LRRC69: variants seen among roughly 807,000 people sequenced by gnomAD.
LRRC69 encodes the protein leucine rich repeat containing 69, also known as leucine-rich repeat-containing protein 69.
Under a neutral mutation model 37.8 loss-of-function variants are expected in LRRC69, and 42 were observed. That is an observed-to-expected ratio of 1.11 (90% CI 0.87 to 1.44). The LOEUF is 1.44. Among genes scored for constraint, LRRC69 ranks in the 40% most tolerant of loss-of-function variants. The pLI is 0.00. For missense variants in LRRC69, 357 were observed against 401.9 expected (o/e 0.89, Z 0.96); for synonymous variants, 141 against 143.1 (o/e 0.99, Z 0.11).
intron 4 of LRRC69, among the ~76,000 whole-genome samples, chr8:91,134,386 C>G (rs540798613): frequency 1.3e-4 from 19 of 151,636 alleles, no homozygotes; most frequent in Non-Finnish European, 2.4e-4. Flanking sequence ...GGGAGGGGTA[C>G]TGGTGTAAAT....
At chr8:91,109,321 C>T (rs1364075767) in intron 1 of LRRC69, among the ~76,000 whole-genome samples, 1 of 152,074 alleles carries the variant, frequency 6.6e-6, no homozygotes, top group Non-Finnish European at 1.5e-5. Flanking sequence ...CTGATATACT[C>T]TATCTGTAGA....
At chr8:91,176,399 C>A (rs1809230798) in intron 5 of LRRC69, among the ~76,000 whole-genome samples, 1 of 152,112 alleles carries the variant, frequency 6.6e-6, no homozygotes, top group Admixed American at 6.5e-5. Context: ...CCTGCCTAGG[C>A]CTCCCAAAGT....
chr8:91,168,139 G>A (rs1489896493), intron 5 of LRRC69, among the ~76,000 whole-genome samples: 1 of 151,806 alleles, frequency 6.6e-6, no homozygotes, highest in Non-Finnish European at 1.5e-5. Flanking sequence ...TGAAGAAAAC[G>A]CTTAGGGCAT....
chr8:91,151,298 G>T (rs199703875), intron 5 of LRRC69, among the ~76,000 whole-genome samples: 68 of 151,084 alleles, frequency 4.5e-4, no homozygotes, highest in African/African-American at 1.6e-3. Context: ...TTTGTTCTCG[G>T]TGGTTTCAAA....
At chr8:91,124,778 A>G (rs533477510) in intron 2 of LRRC69, 159 bp downstream of exon 2, 128 of 587,592 alleles carry the variant, frequency 2.2e-4, no homozygotes, top group Non-Finnish European at 3.4e-4. Context: ...CAACACTTTT[A>G]AAAAAGTATT....
intron 2 of LRRC69, chr8:91,124,851 T>C (rs1813692150): frequency 2.7e-6 from 1 of 366,228 alleles, no homozygotes; most frequent in African/African-American, 2.2e-5. Flanking sequence ...TTAATGAATT[T>C]TCCTCTTTGT....
chr8:91,218,864 T>A, intron 7 of LRRC69, 26 bp from the exon 8 acceptor site: 2 of 1,435,924 alleles, frequency 1.4e-6, no homozygotes, highest in Middle Eastern at 1.9e-4. Context: ...ACTGCCTAAA[T>A]TTTATTTTTA....
chr8:91,113,726 A>G (rs747253816), intron 1 of LRRC69, among the ~76,000 whole-genome samples: 2 of 151,866 alleles, frequency 1.3e-5, no homozygotes, highest in Non-Finnish European at 2.9e-5. Flanking sequence ...ATTTAAAACT[A>G]AAAACCTGCA....
rs1021007016 is a variant in LRRC69 at position 91,197,459 on chromosome 8, G to C, written c.754-3154G>C. On this transcript the variant is annotated intron_variant, in intron 6 of 7. Transcript: ENST00000448384. The stretch of plus-strand genomic sequence containing the variant: ...CCCCCAGCCTCGCTGCCGCCTCGCA[G>C]TTTGATCTCAGACTGCTGTGCTAGC... Among the ~76,000 whole-genome samples, 16 of 152,184 alleles carry C rather than the reference G, an allele frequency of 1.1e-4. 2 individuals carry two copies. The highest frequency in any genetic ancestry group is 5.8e-4 in the East Asian group (3 of 5,170).
intron 7 of LRRC69, among the ~76,000 whole-genome samples, chr8:91,210,562 G>GACAAACACACAC (rs1809892662): frequency 6.8e-6 from 1 of 146,102 alleles, no homozygotes; most frequent in Non-Finnish European, 1.5e-5. Context: ...CACACACACA[G>GACAAACACACAC]ACACACACAC....
intron 5 of LRRC69, chr8:91,157,316 C>T: frequency 6.2e-7 from 1 of 1,608,450 alleles, no homozygotes. Context: ...GTGGCACCCA[C>T]AGAAACATTC....
chr8:91,187,476 G>A (rs1010840669), intron 5 of LRRC69, among the ~76,000 whole-genome samples: 6 of 152,136 alleles, frequency 3.9e-5, no homozygotes, highest in Admixed American at 6.6e-5. Context: ...TACTTATGTT[G>A]CAGACTCTTT....
chr8:91,190,037 G>A (rs1031177595), intron 6 of LRRC69, among the ~76,000 whole-genome samples: 3 of 152,096 alleles, frequency 2.0e-5, no homozygotes, highest in Admixed American at 1.3e-4. Context: ...CAAGTTAATG[G>A]TATTAAAAGA....
intron 5 of LRRC69, among the ~76,000 whole-genome samples, chr8:91,154,976 G>A (rs71528781): frequency 0.053 from 7,958 of 151,332 alleles, 301 homozygotes; most frequent in Middle Eastern, 0.16. Flanking sequence ...AGAAAACCCC[G>A]TCGTCTCAAC....
intron 1 of LRRC69, chr8:91,118,532 G>GA (rs201180971): frequency 5.6e-5 from 13 of 232,666 alleles, no homozygotes; most frequent in Non-Finnish European, 6.8e-5. Flanking sequence ...GTCTCAAAAG[G>GA]AAAAAAAAAT....
At chr8:91,145,573 G>A (rs1379586110) in intron 5 of LRRC69, among the ~76,000 whole-genome samples, 1 of 151,894 alleles carries the variant, frequency 6.6e-6, no homozygotes, top group East Asian at 1.9e-4. Context: ...GCTGCTTTCA[G>A]TGGCTCAGTT....
At chr8:91,211,028 G>A (rs1210167275) in intron 7 of LRRC69, among the ~76,000 whole-genome samples, 1 of 152,084 alleles carries the variant, frequency 6.6e-6, no homozygotes, top group Non-Finnish European at 1.5e-5. Context: ...CAAAGCAGCA[G>A]CAATGAACTG....
intron 5 of LRRC69, chr8:91,157,559 T>C: frequency 6.6e-7 from 1 of 1,525,242 alleles, no homozygotes; most frequent in Non-Finnish European, 9.0e-7. Context: ...GGTTTACTCC[T>C]GGAAGATAAT....
At chr8:91,214,757 T>C (rs1340962088) in intron 7 of LRRC69, among the ~76,000 whole-genome samples, 1 of 152,190 alleles carries the variant, frequency 6.6e-6, no homozygotes, top group East Asian at 1.9e-4. Flanking sequence ...GTATTAGTTT[T>C]CCATTGAAGC....
Sources: allele counts gnomAD v4.1 joint callset (sites outside exome capture counted in the v4.1 genomes callset), GRCh38; gene constraint gnomAD v4.1.1; transcripts MANE v1.5; gene names NCBI Gene and HGNC (gene_info 2026-07-23, HGNC 2026-07-21).